PCDHA6: variants seen among roughly 807,000 people sequenced by gnomAD.
PCDHA6 encodes protocadherin alpha 6, also known as protocadherin alpha-6.
A neutral mutation model predicts 60.3 loss-of-function variants in PCDHA6; 55 were observed. That is an observed-to-expected ratio of 0.91 (90% CI 0.73 to 1.14). The LOEUF (loss-of-function observed/expected upper bound fraction) is 1.14, where lower values mean the gene tolerates loss of function less well. Ranked by LOEUF, PCDHA6 falls within the 50% of genes most tolerant of loss-of-function variation. PCDHA6 has a pLI of 0.00. For missense variants in PCDHA6, 1,327 were observed against 1,256.5 expected (o/e 1.06, Z -0.85); for synonymous variants, 652 against 557.9 (o/e 1.17, Z -2.38).
chr5:141,010,432 CAA>C lies in PCDHA6; in HGVS notation c.*497_*498del. The C allele has an allele frequency of 8.5e-6, 9 of 1,056,970 alleles. No individual in the cohort carries two copies. The highest frequency in any genetic ancestry group is 1.2e-5 in the Non-Finnish European group (9 of 756,282). 65.5% of individuals were successfully genotyped at this position (1,056,970 alleles called of 1,614,324 possible). A position where few individuals can be genotyped will look rare whatever the true frequency, so the allele number is the denominator to read the frequency against. On this transcript the variant is annotated 3_prime_UTR_variant, in exon 4 of 4. Coordinates refer to ENST00000529310, the MANE Select transcript of PCDHA6 (RefSeq NM_018909.4). Reference sequence around the variant, plus strand: ...AATTGGTACAAGGAAGGCAAGAAAACAAAGACAAATAAACAGCGGAAGTTATC... The same window carrying C: ...AATTGGTACAAGGAAGGCAAGAAAACAGACAAATAAACAGCGGAAGTTATC...
At chr5:140,902,043 G>A (rs1294111308) in intron 1 of PCDHA6, among the ~76,000 whole-genome samples, 2 of 151,980 alleles carry the variant, frequency 1.3e-5, no homozygotes, top group Non-Finnish European at 2.9e-5. Flanking sequence ...TTTGTATGTT[G>A]ATTTTGTATC....
intron 1 of PCDHA6, among the ~76,000 whole-genome samples, chr5:140,907,643 A>C (rs2073513749): frequency 6.6e-6 from 1 of 152,208 alleles, no homozygotes; most frequent in African/African-American, 2.4e-5. Flanking sequence ...GCTGCTGGCA[A>C]ATTGGGCACT....
At position 140,925,289 on chromosome 5, in the gene PCDHA6, G is replaced by T. The variant is rs190990360; in HGVS notation, c.2395-53660G>T. Among the ~76,000 whole-genome samples, 1,224 of 152,222 alleles carry T rather than the reference G, an allele frequency of 8.0e-3. 6 individuals carry two copies. The highest frequency in any genetic ancestry group is 0.019 in the African/African-American group (790 of 41,540). On this transcript the variant is annotated intron_variant, in intron 1 of 3. Coordinates refer to ENST00000529310, the MANE Select transcript of PCDHA6 (RefSeq NM_018909.4). The stretch of plus-strand genomic sequence containing the variant: ...TGTGTTCAGATTTTGCCTTTCAAAT[G>T]TTTCATTATTGGGGCTTTGGACATA...
chr5:140,956,597 C>T (rs1015881961), intron 1 of PCDHA6, among the ~76,000 whole-genome samples: 1 of 152,054 alleles, frequency 6.6e-6, no homozygotes, highest in African/African-American at 2.4e-5. Flanking sequence ...TCAGGGATAT[C>T]AGCTGGAAGT....
intron 3 of PCDHA6, among the ~76,000 whole-genome samples, chr5:141,003,251 C>T (rs1240561091): frequency 6.6e-6 from 1 of 152,176 alleles, no homozygotes; most frequent in Admixed American, 6.5e-5. Flanking sequence ...AAAAAGATTC[C>T]TGGGCAGTGC....
At chr5:140,940,194 G>T (rs1455968152) in intron 1 of PCDHA6, among the ~76,000 whole-genome samples, 4 of 152,118 alleles carry the variant, frequency 2.6e-5, no homozygotes, top group East Asian at 1.9e-4. Context: ...TTTTACATGG[G>T]TGTAAAATTC....
In PCDHA6 at chr5:140,884,360, G is replaced by A. The variant is rs782401694; in HGVS notation, c.2394+53875G>A. On this transcript the variant is annotated intron_variant, in intron 1 of 3. Coordinates refer to ENST00000529310, the MANE Select transcript of PCDHA6 (RefSeq NM_018909.4). ...AGAAGCGGCGCTGGTGGATGTCAAT[G>A]TTTACTTGATCATTGCCATCTGCGC... The A allele has an allele frequency of 3.1e-6, 5 of 1,613,852 alleles. No individual in the cohort carries two copies. The African/African-American group carries it at 4.0e-5, about 13-fold the overall frequency.
intron 3 of PCDHA6, among the ~76,000 whole-genome samples, chr5:141,000,885 G>C (rs1213239926): frequency 6.6e-6 from 1 of 151,922 alleles, no homozygotes; most frequent in African/African-American, 2.4e-5. Context: ...TCCAACCTGG[G>C]CAACAGATAT....
At chr5:140,869,529 T>A in intron 1 of PCDHA6, 2 of 1,614,166 alleles carry the variant, frequency 1.2e-6, no homozygotes, top group Non-Finnish European at 1.7e-6. Flanking sequence ...AGCTGCTGAT[T>A]GCGGAATCTA....
At position 140,928,347 on chromosome 5, in the gene PCDHA6, G is replaced by A. The variant is rs139222568; in HGVS notation, c.2395-50602G>A. 5 of 1,614,148 alleles carry A rather than the reference G, an allele frequency of 3.1e-6. No homozygotes were observed. The African/African-American group carries it at 5.3e-5, about 17-fold the overall frequency. On this transcript the variant is annotated intron_variant, in intron 1 of 3. Coordinates refer to ENST00000529310, the MANE Select transcript of PCDHA6 (RefSeq NM_018909.4). ...ATGGCCTTGTCTCTTATGAGCTGTT[G>A]GATGTTATCTCTGAAGGGCCATCAG...
chr5:140,841,876 G>A lies in PCDHA6; in HGVS notation c.2394+11391G>A, dbSNP rs2150324572. 2.5e-6 allele frequency: 4 copies of A among 1,613,836 alleles called. No homozygotes were observed. The South Asian group carries it at 4.4e-5, about 18-fold the overall frequency. On this transcript the variant is annotated intron_variant, in intron 1 of 3. Transcript: ENST00000529310. Reference sequence around the variant, plus strand: ...ACTTCATGCTAGATGTGAATTCAAAGAACGATGAGAATAAACTGGTTGAGC... The same window carrying A: ...ACTTCATGCTAGATGTGAATTCAAAAAACGATGAGAATAAACTGGTTGAGC...
intron 1 of PCDHA6, among the ~76,000 whole-genome samples, chr5:140,956,002 C>T (rs2095246908): frequency 6.6e-6 from 1 of 152,124 alleles, no homozygotes; most frequent in Admixed American, 6.5e-5. Context: ...GATTTTGTAT[C>T]CTGAGACTTT....
At chr5:140,968,808 TGGATAGGG>T (rs782488281) in intron 1 of PCDHA6, 2 of 1,614,204 alleles carry the variant, frequency 1.2e-6, no homozygotes, top group Non-Finnish European at 1.7e-6. Context: ...GTAGCTGTGG[TGGATAGGG>T]TTTCCAAAAT....
intron 1 of PCDHA6, chr5:140,836,765 A>G (rs200916074): frequency 3.4e-5 from 53 of 1,563,040 alleles, no homozygotes; most frequent in Middle Eastern, 1.7e-4. Context: ...CTTGTTTCCA[A>G]CAATTTTAAA....
chr5:140,870,976 C>T (rs2052595345), intron 1 of PCDHA6: 1 of 1,613,480 alleles, frequency 6.2e-7, no homozygotes, highest in Non-Finnish European at 8.5e-7. Context: ...CCGCGTGGGG[C>T]TGTACACGGG....
At chr5:140,875,982 T>A (rs782696437) in intron 1 of PCDHA6, 7 of 1,614,008 alleles carry the variant, frequency 4.3e-6, no homozygotes, top group Non-Finnish European at 5.9e-6. Context: ...TTTTGACCTA[T>A]GCGTTAAGTC....
intron 1 of PCDHA6, chr5:140,843,271 G>A: frequency 6.3e-7 from 1 of 1,596,112 alleles, no homozygotes; most frequent in East Asian, 2.2e-5. Flanking sequence ...TGCTGGTCCT[G>A]GTGAAGGATC....
At chr5:140,881,323 T>C in intron 1 of PCDHA6, 1 of 984,214 alleles carries the variant, frequency 1.0e-6, no homozygotes, top group South Asian at 4.7e-5. Flanking sequence ...AAATTCTATT[T>C]AACCAGGACG....
intron 1 of PCDHA6, chr5:140,850,199 T>C (rs2041415028): frequency 1.9e-6 from 3 of 1,592,798 alleles, no homozygotes; most frequent in Admixed American, 1.7e-5. Context: ...TGCTGACACC[T>C]CGGATGAGGG....
Sources: allele counts gnomAD v4.1 joint callset (sites outside exome capture counted in the v4.1 genomes callset), GRCh38; gene constraint gnomAD v4.1.1; transcripts MANE v1.5; gene names NCBI Gene and HGNC (gene_info 2026-07-23, HGNC 2026-07-21).